Variants in MORN1 observed in about 807,000 individuals in gnomAD.
The protein encoded by MORN1 is MORN repeat containing 1, also known as MORN repeat-containing protein 1.
MORN1 carries 67 observed loss-of-function variants against 61.9 expected under a neutral mutation model. The ratio of observed to expected loss-of-function variants is 1.08; its 90% CI spans 0.89 to 1.33. MORN1 has a LOEUF of 1.33. Ranked by LOEUF, MORN1 falls within the 40% of genes most tolerant of loss-of-function variation. The pLI is 0.00. For missense variants in MORN1, 752 were observed against 691.2 expected (o/e 1.09, Z -0.99); for synonymous variants, 301 against 292.0 (o/e 1.03, Z -0.31).
At chr1:2,378,674 A>C (rs1642300522) in intron 6 of MORN1, 3 of 322,608 alleles carry the variant, frequency 9.3e-6, no homozygotes, top group Non-Finnish European at 1.8e-5. Context: ...CAACATGGGT[A>C]GGAGACACTC....
intron 10 of MORN1, chr1:2,355,418 G>A: frequency 6.4e-7 from 1 of 1,550,390 alleles, no homozygotes; most frequent in Non-Finnish European, 8.7e-7. Flanking sequence ...TCCTCTCACA[G>A]CTGTTGTCTG....
At chr1:2,379,842 A>G (rs1642330880) in intron 6 of MORN1, among the ~76,000 whole-genome samples, 1 of 152,232 alleles carries the variant, frequency 6.6e-6, no homozygotes. Context: ...GCGGTTCCTC[A>G]AAAATTAAAA....
In MORN1 at chr1:2,336,568, G is replaced by C; in HGVS notation, c.1171-20C>G. 1 of 1,611,986 alleles carries C rather than the reference G, an allele frequency of 6.2e-7. No individual in the cohort carries two copies. Among genetic ancestry groups the C allele is most frequent in the Non-Finnish European group, 8.5e-7 (1 of 1,179,218 alleles). ...TGCCTTCTAGAAAGATTGGGCAGGAGGAGGGGAGAAGGAAAGGCTCAGAAG... is the reference window on the plus strand; with the variant it reads ...TGCCTTCTAGAAAGATTGGGCAGGACGAGGGGAGAAGGAAAGGCTCAGAAG... On this transcript the variant is annotated intron_variant, in intron 11 of 13. Coordinates refer to ENST00000378531, the MANE Select transcript of MORN1 (RefSeq NM_024848.3).
intron 10 of MORN1, among the ~76,000 whole-genome samples, chr1:2,348,800 C>G (rs934114647): frequency 2.7e-5 from 4 of 147,132 alleles, no homozygotes; most frequent in African/African-American, 5.2e-5. Flanking sequence ...CGCACACGCA[C>G]TCCTGCGCGG....
rs1040241243 is a variant in MORN1 at position 2,388,512 on chromosome 1, CT to C, written c.149-176del. 1.9e-5 allele frequency: 11 copies of C among 579,672 alleles called. No homozygotes were observed. In the African/African-American group the frequency reaches 2.1e-4, roughly 11 times the overall value. The allele number at this position is 579,672 out of a possible 1,614,324, so 35.9% of individuals were successfully genotyped here. ...AATAAAAAAATGTTCTCAAAAATATCTGCCGAAACACGCTTGAGCGGCCGGC... is the reference window on the plus strand; with the variant it reads ...AATAAAAAAATGTTCTCAAAAATATCGCCGAAACACGCTTGAGCGGCCGGC... On this transcript the variant is annotated intron_variant, in intron 2 of 13. Coordinates refer to ENST00000378531, the MANE Select transcript of MORN1 (RefSeq NM_024848.3).
chr1:2,362,234 A>G (rs1038798456), intron 8 of MORN1, among the ~76,000 whole-genome samples: 1 of 152,228 alleles, frequency 6.6e-6, no homozygotes, highest in Non-Finnish European at 1.5e-5. Flanking sequence ...AACTCAAAAT[A>G]AAAAACAAAA....
At chr1:2,344,227 T>C (rs1410310602) in intron 10 of MORN1, among the ~76,000 whole-genome samples, 4 of 151,992 alleles carry the variant, frequency 2.6e-5, no homozygotes, top group African/African-American at 9.7e-5. Context: ...GAGAGCGGCA[T>C]CACCTGAGGG....
intron 8 of MORN1, among the ~76,000 whole-genome samples, chr1:2,368,841 A>G (rs998116442): frequency 9.3e-5 from 14 of 150,812 alleles, no homozygotes; most frequent in Non-Finnish European, 1.6e-4. Context: ...GGTGGATCAC[A>G]AGGTCAGAAG....
At chr1:2,384,919 C>T (rs2100367724) in intron 6 of MORN1, 59 bp downstream of exon 6, 2 of 1,442,012 alleles carry the variant, frequency 1.4e-6, no homozygotes, top group Middle Eastern at 2.5e-4. Context: ...ACCCCACGCG[C>T]CCTGCCCACC....
intron 10 of MORN1, among the ~76,000 whole-genome samples, chr1:2,341,245 G>A (rs907352412): frequency 2.0e-5 from 3 of 152,160 alleles, no homozygotes; most frequent in Non-Finnish European, 4.4e-5. Context: ...AACTGGTCCT[G>A]GGCATGCTGC....
chr1:2,374,365 T>C (rs551831642), intron 7 of MORN1, 96 bp downstream of exon 7: 2 of 1,029,704 alleles, frequency 1.9e-6, no homozygotes, highest in Non-Finnish European at 1.5e-6. Context: ...CTCCCCAGTG[T>C]GCTCTTGGTC....
intron 12 of MORN1, among the ~76,000 whole-genome samples, chr1:2,329,975 G>A (rs1174152654): frequency 2.0e-5 from 3 of 152,098 alleles, no homozygotes; most frequent in Admixed American, 1.3e-4. Context: ...AGGGAGCTCC[G>A]GGTGAGGGGG....
At chr1:2,339,991 C>T (rs186271239) in intron 10 of MORN1, among the ~76,000 whole-genome samples, 87 of 152,388 alleles carry the variant, frequency 5.7e-4, no homozygotes, top group African/African-American at 1.9e-3. Flanking sequence ...GCGGCTTCTC[C>T]GTGTTTGCTG....
chr1:2,341,300 C>T (rs570666456), intron 10 of MORN1, among the ~76,000 whole-genome samples: 9 of 152,320 alleles, frequency 5.9e-5, no homozygotes, highest in African/African-American at 2.2e-4. Context: ...ACTTGCTGGT[C>T]ACAGTGTACC....
intron 12 of MORN1, among the ~76,000 whole-genome samples, chr1:2,325,306 T>TCTC (rs1236722215): frequency 5.9e-5 from 8 of 136,338 alleles, no homozygotes; most frequent in African/African-American, 2.0e-4. Context: ...CTCTCTCTCT[T>TCTC]TTTCTCTCCT....
At chr1:2,332,488 C>A (rs556549661) in intron 12 of MORN1, 8 of 396,340 alleles carry the variant, frequency 2.0e-5, no homozygotes, top group Non-Finnish European at 1.0e-5. Context: ...TTGTCCCCCT[C>A]GGCAGTTCTG....
At position 2,322,532 on chromosome 1, in the gene MORN1, C is replaced by G. The variant is rs1183626674; in HGVS notation, c.1298-953G>C. ...AGCCTCGGGGGCCGGGAGGAATGTG[C>G]TTGGCCCCGAGTCAGCTCCTTTAGA... On this transcript the variant is annotated intron_variant, in intron 13 of 13. Transcript: ENST00000378531. 15 of 985,100 alleles carry G rather than the reference C, an allele frequency of 1.5e-5. No individual in the cohort carries two copies. In the Admixed American group the frequency reaches 9.2e-4, roughly 61 times the overall value. 61.0% of individuals were successfully genotyped at this position (985,100 alleles called of 1,614,324 possible). A position where few individuals can be genotyped will look rare whatever the true frequency, so the allele number is the denominator to read the frequency against.
At chr1:2,373,130 C>T (rs1055910567) in intron 7 of MORN1, among the ~76,000 whole-genome samples, 5 of 152,222 alleles carry the variant, frequency 3.3e-5, no homozygotes, top group South Asian at 2.1e-4. Context: ...TGCTGCCCAC[C>T]GCCCCTGCCC....
At position 2,357,206 on chromosome 1, in the gene MORN1, C is replaced by T. The variant is rs907368324; in HGVS notation, c.1036+226G>A. 5.3e-5 allele frequency among the ~76,000 whole-genome samples: 8 copies of T among 152,322 alleles called. No homozygotes were observed. The highest frequency in any genetic ancestry group is 1.3e-4 in the Admixed American group (2 of 15,310). ...CCACGAGGCTGCAGCCCCTGCCAGG[C>T]TCACGGCAGACGAACAATCGGCTTG... is the stretch of plus-strand genomic sequence containing the variant. On this transcript the variant is annotated intron_variant, in intron 10 of 13. Transcript: ENST00000378531. The surrounding 1 kb of genome is among the most constrained non-coding windows in gnomAD (Gnocchi z 6.3).
Sources: gnomAD v4.1 joint callset for allele counts (sites outside exome capture counted in the v4.1 genomes callset) on GRCh38, gnomAD v4.1.1 for gene constraint, Gnocchi (gnomAD v3.1) non-coding constraint, MANE v1.5 for transcripts, NCBI Gene and HGNC (gene_info 2026-07-23, HGNC 2026-07-21) for gene names.